Variants in TMC3 observed in about 807,000 individuals in gnomAD.
TMC3 encodes transmembrane channel-like protein 3.
In TMC3, 98 loss-of-function variants were observed where a neutral mutation model predicts 110.6. The observed-to-expected ratio is 0.89, with a 90% CI of 0.75 to 1.05. The LOEUF (loss-of-function observed/expected upper bound fraction) is 1.05. Among genes scored for constraint, TMC3 ranks in the 50% least tolerant of loss-of-function variants. The probability of loss-of-function intolerance (pLI) is 0.00; values close to 1 mark genes in which losing one functional copy is unlikely to be tolerated. For missense variants in TMC3, 1,319 were observed against 1,373.2 expected, an observed-to-expected ratio of 0.96 and a Z score of 0.62; for synonymous variants, 489 against 513.1, an observed-to-expected ratio of 0.95 and a Z score of 0.63.
chr15:81,363,400 A>G (rs1894234961), intron 3 of TMC3, among the ~76,000 whole-genome samples: 1 of 152,266 alleles, frequency 6.6e-6, no homozygotes, highest in Non-Finnish European at 1.5e-5. Context: ...ACACACAAAC[A>G]ATCTGGGTTT....
chr15:81,360,316 C>G (rs1352046577), intron 4 of TMC3, among the ~76,000 whole-genome samples: 1 of 152,122 alleles, frequency 6.6e-6, no homozygotes, highest in Non-Finnish European at 1.5e-5. Context: ...ATTGGCATTT[C>G]TCTCCAGCAT....
chr15:81,351,026 C>G (rs1379942099), intron 10 of TMC3, among the ~76,000 whole-genome samples: 1 of 152,162 alleles, frequency 6.6e-6, no homozygotes, highest in Non-Finnish European at 1.5e-5. Context: ...TTAATCCATA[C>G]TATGGAATAA....
chr15:81,349,457 C>T lies in TMC3; in HGVS notation c.1193+1G>A. The T allele has an allele frequency of 6.7e-7, 1 of 1,500,956 alleles. No individual in the cohort carries two copies. Among genetic ancestry groups the T allele is most frequent in the Non-Finnish European group, 8.9e-7 (1 of 1,123,300 alleles). 93.0% of individuals were successfully genotyped at this position (1,500,956 alleles called of 1,614,324 possible). On this transcript the variant is annotated splice_donor_variant, in intron 11 of 21. Transcript: ENST00000359440. LOFTEE classifies it high-confidence loss of function. ...GGCATTTCTGGGCAGGACTGTTGTACCTTGCAAGCTGGAAGCGCAGCGTGG... is the reference window on the plus strand; with the variant it reads ...GGCATTTCTGGGCAGGACTGTTGTATCTTGCAAGCTGGAAGCGCAGCGTGG...
chr15:81,373,470 T>G (rs1008208053), intron 1 of TMC3, among the ~76,000 whole-genome samples: 1 of 152,230 alleles, frequency 6.6e-6, no homozygotes, highest in East Asian at 1.9e-4. Flanking sequence ...AAAGATTTCG[T>G]TTGTTATTCT....
chr15:81,352,047 C>A (rs1567065783), intron 9 of TMC3, among the ~76,000 whole-genome samples: 1 of 152,208 alleles, frequency 6.6e-6, no homozygotes, highest in Non-Finnish European at 1.5e-5. Context: ...ATAAATTCAA[C>A]CAGCCTGCAT....
At position 81,333,029 on chromosome 15, in the gene TMC3, T is replaced by A; in HGVS notation, c.2693A>T (p.Lys898Ile). The change falls in exon 22 of 22, where the codon AAA becomes ATA. Residue 898 changes from lysine (K) to isoleucine (I), a missense_variant. By Grantham distance (102) the Lys-to-Ile change is moderately radical. Coordinates refer to ENST00000359440, the MANE Select transcript of TMC3 (RefSeq NM_001080532.3). Reference protein sequence around the residue: ...YVINECDSYKKKHLNVWPERH... With the variant: ...YVINECDSYKIKHLNVWPERH... The stretch of plus-strand genomic sequence containing the variant: ...TTCTGGCCAGACATTTAGATGTTTT[T>A]TCTTGTAAGAGTCACATTCATTAAT... 1 of 1,613,984 alleles carries A rather than the reference T, an allele frequency of 6.2e-7. No individual in the cohort carries two copies. Among genetic ancestry groups the A allele is most frequent in the Non-Finnish European group, 8.5e-7 (1 of 1,179,874 alleles).
At chr15:81,362,823 G>A (rs974776524) in intron 3 of TMC3, among the ~76,000 whole-genome samples, 3 of 152,098 alleles carry the variant, frequency 2.0e-5, no homozygotes, top group Non-Finnish European at 2.9e-5. Context: ...AGACTCCCCA[G>A]GTGATTACAA....
Position 81,347,905 on chromosome 15 carries a change from G to C in TMC3, c.1194-1462C>G, listed in dbSNP as rs569118456. On this transcript the variant is annotated intron_variant, in intron 11 of 21. Transcript: ENST00000359440. Reference sequence around the variant, plus strand: ...CCAGGAATAGCCAGTGGGCTGAGAGGCTCATCCCAGATCTACCCTGGGCCA... The same window carrying C: ...CCAGGAATAGCCAGTGGGCTGAGAGCCTCATCCCAGATCTACCCTGGGCCA... Among the ~76,000 whole-genome samples the C allele has an allele frequency of 4.6e-5, 7 of 152,020 alleles. No homozygotes were observed. The South Asian group carries it at 1.5e-3, about 32-fold the overall frequency.
rs761670260 is a variant in TMC3, at chr15:81,332,954, C to T, written c.2768G>A (p.Arg923Lys). Residue 923 changes from arginine to lysine, a missense_variant, in exon 22 of 22, where the codon AGG becomes AAG. Arg to Lys is a conservative substitution (Grantham distance 26, BLOSUM62 2). Coordinates refer to ENST00000359440, the MANE Select transcript of TMC3 (RefSeq NM_001080532.3). ...CCGGGATGCATATTGTCGCACGTTC[C>T]TGGGGTACAGCTCCACAATGTCACC... is the stretch of plus-strand genomic sequence containing the variant. ...ASGDIVELYP[R>K]NVRQYASRVP... The T allele has an allele frequency of 1.1e-5, 18 of 1,612,650 alleles. No individual in the cohort carries two copies. The highest frequency in any genetic ancestry group is 2.2e-5 in the South Asian group (2 of 90,998).
Position 81,331,535 on chromosome 15 carries a change from T to C in TMC3, c.*884A>G, listed in dbSNP as rs1049990879. On this transcript the variant is annotated 3_prime_UTR_variant, in exon 22 of 22. Coordinates refer to ENST00000359440, the MANE Select transcript of TMC3 (RefSeq NM_001080532.3). ...TTTTGGTTGTCTTTGATTATACTTGTAAAATTCATGAATTCCTTCTTCAAC... is the reference window on the plus strand; with the variant it reads ...TTTTGGTTGTCTTTGATTATACTTGCAAAATTCATGAATTCCTTCTTCAAC... 9 of 152,198 alleles carry C rather than the reference T, an allele frequency of 5.9e-5. No individual in the cohort carries two copies. The highest frequency in any genetic ancestry group is 1.2e-4 in the Non-Finnish European group (8 of 68,028). 9.4% of individuals were successfully genotyped at this position (152,198 alleles called of 1,614,324 possible).
At chr15:81,338,962 T>C (rs1391690022) in intron 17 of TMC3, among the ~76,000 whole-genome samples, 182 bp from the exon 18 acceptor site, 2 of 152,234 alleles carry the variant, frequency 1.3e-5, no homozygotes, top group Non-Finnish European at 2.9e-5. Context: ...ATGTGTGTGT[T>C]CTAATCGTGT....
chr15:81,371,437 G>A (rs1049238856), intron 2 of TMC3, among the ~76,000 whole-genome samples: 2 of 152,194 alleles, frequency 1.3e-5, no homozygotes. Context: ...TGTCTGCTTG[G>A]CATCTAGAAA....
chr15:81,345,085 G>A (rs1893798826), intron 12 of TMC3, 74 bp from the exon 13 acceptor site: 1 of 1,516,536 alleles, frequency 6.6e-7, no homozygotes, highest in Admixed American at 2.1e-5. Flanking sequence ...TTGTAAATGA[G>A]AATCCATCAT....
chr15:81,372,850 G>A lies in TMC3; in HGVS notation c.90-113C>T, dbSNP rs1894467024. The stretch of plus-strand genomic sequence containing the variant: ...CTCACTGCCCTAGGGTCATCTGTAT[G>A]AAATGTGTATGTGTTTGTGCGTGTG... On this transcript the variant is annotated intron_variant, in intron 1 of 21. Transcript: ENST00000359440. 5.9e-6 allele frequency: 6 copies of A among 1,009,750 alleles called. No individual in the cohort carries two copies. In the South Asian group the frequency reaches 6.1e-5, roughly 10 times the overall value. 62.5% of individuals were successfully genotyped at this position (1,009,750 alleles called of 1,614,324 possible).
intron 3 of TMC3, among the ~76,000 whole-genome samples, chr15:81,365,489 G>T (rs1894290938): frequency 6.6e-6 from 1 of 152,070 alleles, no homozygotes; most frequent in Admixed American, 6.5e-5. Flanking sequence ...TGACCAACAT[G>T]GTGAAACCCC....
chr15:81,360,086 T>A (rs1894153618), intron 4 of TMC3, among the ~76,000 whole-genome samples: 1 of 151,782 alleles, frequency 6.6e-6, no homozygotes, highest in Non-Finnish European at 1.5e-5. Flanking sequence ...CATTCTGGAG[T>A]AGGTAGTTTT....
intron 4 of TMC3, among the ~76,000 whole-genome samples, chr15:81,361,170 T>C (rs756013169): frequency 2.6e-5 from 4 of 152,192 alleles, no homozygotes; most frequent in Non-Finnish European, 5.9e-5. Flanking sequence ...CTTTACTTTT[T>C]ATGTATGTAA....
At chr15:81,342,249 C>T (rs1388044376) in intron 15 of TMC3, among the ~76,000 whole-genome samples, 1 of 152,158 alleles carries the variant, frequency 6.6e-6, no homozygotes, top group Non-Finnish European at 1.5e-5. Context: ...CAATCTAATA[C>T]TTGTGGAATT....
At position 81,332,783 on chromosome 15, in the gene TMC3, C is replaced by T. The variant is rs1893494860; in HGVS notation, c.2939G>A (p.Ser980Asn). The change falls in exon 22 of 22, where the codon AGT becomes AAT. Residue 980 changes from serine (S) to asparagine (N), a missense_variant. Transcript: ENST00000359440. ...PHFYIGERSESQTRDPEHQGR... is the reference protein window; with the variant it reads ...PHFYIGERSENQTRDPEHQGR... ...CTGGTGCTCGGGATCCCGGGTCTGA[C>T]TTTCGGACCTCTCCCCAATATAAAA... 6.2e-7 allele frequency: 1 copy of T among 1,611,212 alleles called. No individual in the cohort carries two copies. The highest frequency in any genetic ancestry group is 8.5e-7 in the Non-Finnish European group (1 of 1,178,684).
Sources: allele counts gnomAD v4.1 joint callset (sites outside exome capture counted in the v4.1 genomes callset), GRCh38; gene constraint gnomAD v4.1.1; transcripts MANE v1.5; gene names NCBI Gene and HGNC (gene_info 2026-07-23, HGNC 2026-07-21).